Variants in DOCK10 observed in about 807,000 individuals in gnomAD.
DOCK10 encodes dedicator of cytokinesis 10, also known as dedicator of cytokinesis protein 10.
Under a neutral mutation model 280.1 loss-of-function variants are expected in DOCK10, and 145 were observed. The ratio of observed to expected loss-of-function variants is 0.52; its 90% CI spans 0.45 to 0.59. DOCK10 has a LOEUF of 0.59. Among genes scored for constraint, DOCK10 ranks in the 20% least tolerant of loss-of-function variants. The probability of loss-of-function intolerance (pLI) is 0.00; values close to 1 mark genes in which losing one functional copy is unlikely to be tolerated. For synonymous variants in DOCK10, 915 were observed against 942.2 expected (o/e 0.97, Z 0.53); for missense variants, 2,368 against 2,651.7 (o/e 0.89, Z 2.35).
chr2:224,789,089 C>A lies in DOCK10; in HGVS notation c.5393G>T (p.Gly1798Val). ...CTCATTGTATGGTGTATCTTGCATT[C>A]CAGAATCCTCTTTCATCGCTCCTTC... ...KEEGAMKEDS[G>V]MQDTPYNENI... Residue 1798 changes from glycine to valine, a missense_variant, in exon 48 of 56, where the codon GGA becomes GTA. Gly to Val is a moderately radical substitution (Grantham distance 109). Coordinates refer to ENST00000258390, the MANE Select transcript of DOCK10 (RefSeq NM_014689.3). 6.2e-7 allele frequency: 1 copy of A among 1,613,470 alleles called. No individual in the cohort carries two copies. The highest frequency in any genetic ancestry group is 8.5e-7 in the Non-Finnish European group (1 of 1,179,606).
rs975687016 is a variant in DOCK10 at position 224,793,249 on chromosome 2, G to A, written c.5212+151C>T. On this transcript the variant is annotated intron_variant, in intron 46 of 55. Coordinates refer to ENST00000258390, the MANE Select transcript of DOCK10 (RefSeq NM_014689.3). Reference sequence around the variant, plus strand: ...GTCAATGGCATGATAGACTTAAAATGTTTAAAGTACAGCATAATTAGAAGT... The same window carrying A: ...GTCAATGGCATGATAGACTTAAAATATTTAAAGTACAGCATAATTAGAAGT... 12 of 782,192 alleles carry A rather than the reference G, an allele frequency of 1.5e-5. No homozygotes were observed. The African/African-American group carries it at 1.6e-4, about 10-fold the overall frequency. 48.5% of individuals were successfully genotyped at this position (782,192 alleles called of 1,614,324 possible).
intron 4 of DOCK10, among the ~76,000 whole-genome samples, chr2:224,894,417 G>A (rs766922987): frequency 2.0e-5 from 3 of 152,158 alleles, no homozygotes; most frequent in Non-Finnish European, 4.4e-5. Context: ...TAGTTAAAAG[G>A]ATGGCTAAAT....
At chr2:224,917,129 G>C (rs562285849) in intron 2 of DOCK10, among the ~76,000 whole-genome samples, 1 of 52,632 alleles carries the variant, frequency 1.9e-5, no homozygotes, top group African/African-American at 7.2e-5. Flanking sequence ...TTTTTGAGAC[G>C]GAGTCTTGCT....
intron 1 of DOCK10, among the ~76,000 whole-genome samples, chr2:225,036,856 C>G (rs1690273173): frequency 6.6e-6 from 1 of 151,704 alleles, no homozygotes; most frequent in Non-Finnish European, 1.5e-5. Context: ...ATTTTATTTA[C>G]TGGTCCCAAT....
rs545470455 is a variant in DOCK10, at chr2:224,823,279, C to T, written c.3183+222G>A. On this transcript the variant is annotated intron_variant, in intron 28 of 55. Transcript: ENST00000258390. ...GGGATTACAAGCATAAGCCATCGCG[C>T]CCGGCCTTCTAACCTTAGTCTTTAT... Among the ~76,000 whole-genome samples the T allele has an allele frequency of 3.2e-4, 48 of 152,114 alleles. No individual in the cohort carries two copies. The East Asian group carries it at 9.3e-3, about 29-fold the overall frequency.
Position 224,803,232 on chromosome 2 carries a change from A to G in DOCK10, c.4268+880T>C, listed in dbSNP as rs374404081. Among the ~76,000 whole-genome samples, 9 of 152,050 alleles carry G rather than the reference A, an allele frequency of 5.9e-5. No homozygotes were observed. In the South Asian group the frequency reaches 1.0e-3, roughly 18 times the overall value. ...AGGTGGCTCACTATTATTATTAAACATGGAAACTAATTCTTTACTGTCCTC... is the reference window on the plus strand; with the variant it reads ...AGGTGGCTCACTATTATTATTAAACGTGGAAACTAATTCTTTACTGTCCTC... On this transcript the variant is annotated intron_variant, in intron 39 of 55. Coordinates refer to ENST00000258390, the MANE Select transcript of DOCK10 (RefSeq NM_014689.3).
chr2:224,795,264 C>A lies in DOCK10; in HGVS notation c.4939-170G>T, dbSNP rs145348565. 3.9e-5 allele frequency: 24 copies of A among 621,772 alleles called. No individual in the cohort carries two copies. In the African/African-American group the frequency reaches 4.4e-4, roughly 11 times the overall value. 38.5% of individuals were successfully genotyped at this position (621,772 alleles called of 1,614,324 possible). A position where few individuals can be genotyped will look rare whatever the true frequency, so the allele number is the denominator to read the frequency against. On this transcript the variant is annotated intron_variant, in intron 44 of 55. Transcript: ENST00000258390. Reference sequence around the variant, plus strand: ...ATTCTATGTTTTGTGACTGTGGATACACACATTTGAAGATAAACATTTCAG... The same window carrying A: ...ATTCTATGTTTTGTGACTGTGGATAAACACATTTGAAGATAAACATTTCAG...
intron 5 of DOCK10, 103 bp from the exon 6 acceptor site, chr2:224,886,288 T>G (rs774237120): frequency 1.1e-4 from 172 of 1,533,488 alleles, no homozygotes; most frequent in Non-Finnish European, 1.3e-4. Context: ...TGACTCATCT[T>G]AAATAAGCAT....
intron 50 of DOCK10, among the ~76,000 whole-genome samples, chr2:224,785,443 T>C (rs111718999): frequency 0.028 from 4,320 of 152,258 alleles, 216 homozygotes; most frequent in African/African-American, 0.094. Context: ...GATACTTATC[T>C]TTTCCAGGTA....
chr2:224,873,594 C>CAAAAAAAAAAAAAAAAA lies in DOCK10; in HGVS notation c.1257+385_1257+401dup, dbSNP rs35401247. Among the ~76,000 whole-genome samples, 2 of 33,656 alleles carry CAAAAAAAAAAAAAAAAA rather than the reference C, an allele frequency of 5.9e-5. 1 individual carries two copies. Among genetic ancestry groups the CAAAAAAAAAAAAAAAAA allele is most frequent in the African/African-American group, 2.1e-4 (2 of 9,474 alleles). 22.1% of individuals were successfully genotyped at this position (33,656 alleles called of 152,430 possible). ...CCTGGGCAACAGAGCAAGACCATCT[C>CAAAAAAAAAAAAAAAAA]AAAAAAAAAAAAAAAAAAAAAAAAA... On this transcript the variant is annotated intron_variant, in intron 11 of 55. Coordinates refer to ENST00000258390, the MANE Select transcript of DOCK10 (RefSeq NM_014689.3).
intron 8 of DOCK10, 71 bp downstream of exon 8, chr2:224,875,967 A>G: frequency 1.3e-6 from 2 of 1,482,128 alleles, no homozygotes; most frequent in East Asian, 2.3e-5. Context: ...TACAATGCCT[A>G]GCAGCTTTAG....
At chr2:224,817,620 TTC>T (rs1256599375) in intron 29 of DOCK10, among the ~76,000 whole-genome samples, 1 of 152,204 alleles carries the variant, frequency 6.6e-6, no homozygotes, top group Non-Finnish European at 1.5e-5. Flanking sequence ...ATTGAGAACA[TTC>T]TGTTTGGTCT....
Position 224,786,947 on chromosome 2 carries a change from G to T in DOCK10, c.5655+75C>A. 1 of 1,072,304 alleles carries T rather than the reference G, an allele frequency of 9.3e-7. No homozygotes were observed. The highest frequency in any genetic ancestry group is 1.5e-6 in the Non-Finnish European group (1 of 687,150). The allele number at this position is 1,072,304 out of a possible 1,614,324, so 66.4% of individuals were successfully genotyped here. On this transcript the variant is annotated intron_variant, in intron 50 of 55. Coordinates refer to ENST00000258390, the MANE Select transcript of DOCK10 (RefSeq NM_014689.3). This position sits in a 1 kb window ranked among gnomAD's most constrained non-coding sequence, Gnocchi z 4.7. ...TCTCCATTCACTGGTACACACAGAT[G>T]TCTCATAAAGAATGAAAGACAACAT...
chr2:224,958,271 TTA>T (rs1160320639), intron 1 of DOCK10, among the ~76,000 whole-genome samples: 6 of 152,202 alleles, frequency 3.9e-5, no homozygotes, highest in Non-Finnish European at 8.8e-5. Context: ...AGTGTATGGT[TTA>T]TGAGTGCAGG....
At chr2:224,951,067 A>G (rs1452182000) in intron 1 of DOCK10, among the ~76,000 whole-genome samples, 1 of 152,228 alleles carries the variant, frequency 6.6e-6, no homozygotes, top group Non-Finnish European at 1.5e-5. Flanking sequence ...AGGACCTTGC[A>G]GTTTTGGATC....
intron 2 of DOCK10, among the ~76,000 whole-genome samples, chr2:224,926,062 T>G (rs1702029876): frequency 6.6e-6 from 1 of 152,198 alleles, no homozygotes; most frequent in South Asian, 2.1e-4. Context: ...GCAAATACAA[T>G]TATTGAAGCA....
At chr2:224,817,529 C>T (rs1694207475) in intron 29 of DOCK10, among the ~76,000 whole-genome samples, 1 of 152,116 alleles carries the variant, frequency 6.6e-6, no homozygotes, top group South Asian at 2.1e-4. Context: ...ACTGCCATTT[C>T]AAAAAGGATA....
At chr2:225,006,795 C>G (rs1480248738) in intron 1 of DOCK10, among the ~76,000 whole-genome samples, 1 of 152,192 alleles carries the variant, frequency 6.6e-6, no homozygotes, top group African/African-American at 2.4e-5. Flanking sequence ...TCTGTCCTCT[C>G]AAAGTCAATG....
chr2:224,989,435 A>G (rs1030118690), intron 1 of DOCK10, among the ~76,000 whole-genome samples: 2 of 152,156 alleles, frequency 1.3e-5, no homozygotes, highest in African/African-American at 2.4e-5. Flanking sequence ...CATTGTCATC[A>G]TTATCATCTT....
Sources: gnomAD v4.1 joint callset for allele counts (sites outside exome capture counted in the v4.1 genomes callset) on GRCh38, gnomAD v4.1.1 for gene constraint, Gnocchi (gnomAD v3.1) non-coding constraint, MANE v1.5 for transcripts, NCBI Gene and HGNC (gene_info 2026-07-23, HGNC 2026-07-21) for gene names.